Variants in SORD observed in about 807,000 individuals in gnomAD.
SORD encodes (R,R)-butanediol dehydrogenase.
In SORD, 18 loss-of-function variants were observed where a neutral mutation model predicts 35.6. That is an observed-to-expected ratio of 0.51 (90% CI 0.35 to 0.75). The LOEUF is 0.75. Ranked by LOEUF, SORD falls within the 30% of genes least tolerant of loss-of-function variation. SORD has a pLI of 0.01. For synonymous variants in SORD, 106 were observed against 152.9 expected, an observed-to-expected ratio of 0.69 and a Z score of 2.26; for missense variants, 250 against 390.2, an observed-to-expected ratio of 0.64 and a Z score of 3.03.
intron 5 of SORD, 102 bp from the exon 6 acceptor site, chr15:45,068,079 C>T (rs1467909941): frequency 4.6e-6 from 4 of 873,052 alleles, no homozygotes; most frequent in Admixed American, 3.5e-5. Context: ...GGGATAGATG[C>T]TAGAGACACA....
intron 3 of SORD, among the ~76,000 whole-genome samples, chr15:45,060,105 T>C (rs1470034811): frequency 1.3e-5 from 2 of 152,144 alleles, no homozygotes; most frequent in African/African-American, 4.8e-5. Flanking sequence ...TGAACTCTAG[T>C]TAATGATATG....
At chr15:45,037,469 A>G (rs1259620162) in intron 1 of SORD, among the ~76,000 whole-genome samples, 1 of 152,156 alleles carries the variant, frequency 6.6e-6, no homozygotes, top group Admixed American at 6.5e-5. Context: ...TATGAATTGT[A>G]TGCTGTGGAA....
intron 1 of SORD, among the ~76,000 whole-genome samples, chr15:45,025,587 C>T (rs1892655577): frequency 6.7e-6 from 1 of 150,020 alleles, no homozygotes; most frequent in Admixed American, 6.7e-5. Context: ...TGAGATCGTA[C>T]CACTGCACTC....
At chr15:45,070,393 C>T (rs1356567124) in intron 7 of SORD, 1 of 152,214 alleles carries the variant, frequency 6.6e-6, no homozygotes, top group Non-Finnish European at 1.5e-5. Context: ...ATGAGACATT[C>T]TAGGGAAGGC....
Position 45,077,030 on chromosome 15 carries a change from A to G in SORD, c.*3500A>G, listed in dbSNP as rs1475162562. ...TTAATAAATGGCTAAATTTCTTTCTATGTCAATAATTATACACATCATTAT... is the reference window on the plus strand; with the variant it reads ...TTAATAAATGGCTAAATTTCTTTCTGTGTCAATAATTATACACATCATTAT... On this transcript the variant is annotated 3_prime_UTR_variant, in exon 9 of 9. Coordinates refer to ENST00000267814, the MANE Select transcript of SORD (RefSeq NM_003104.6). 1.3e-5 allele frequency: 2 copies of G among 148,974 alleles called. No individual in the cohort carries two copies. The highest frequency in any genetic ancestry group is 2.9e-5 in the Non-Finnish European group (2 of 67,974). 9.2% of individuals were successfully genotyped at this position (148,974 alleles called of 1,614,324 possible). A position where few individuals can be genotyped will look rare whatever the true frequency, so the allele number is the denominator to read the frequency against.
intron 5 of SORD, among the ~76,000 whole-genome samples, chr15:45,067,244 C>A (rs2854441): frequency 6.6e-6 from 1 of 151,956 alleles, no homozygotes; most frequent in South Asian, 2.1e-4. Flanking sequence ...TGCCTGTAAT[C>A]TCCACTACTT....
At position 45,023,405 on chromosome 15, in the gene SORD, C is replaced by T. The variant is rs1398082302; in HGVS notation, c.66+56C>T. 2.1e-6 allele frequency: 3 copies of T among 1,405,416 alleles called. No individual in the cohort carries two copies. The Admixed American group carries it at 8.1e-5, about 38-fold the overall frequency. 87.1% of individuals were successfully genotyped at this position (1,405,416 alleles called of 1,614,324 possible). A position where few individuals can be genotyped will look rare whatever the true frequency, so the allele number is the denominator to read the frequency against. ...CGATCCTGCCTCACTCTCCTCTGAGCCCAGCCATAGTCCTGGCTTCCCACT... is the reference window on the plus strand; with the variant it reads ...CGATCCTGCCTCACTCTCCTCTGAGTCCAGCCATAGTCCTGGCTTCCCACT... On this transcript the variant is annotated intron_variant, in intron 1 of 8. Transcript: ENST00000267814.
At chr15:45,039,283 C>T (rs1892927198) in intron 1 of SORD, among the ~76,000 whole-genome samples, 2 of 152,144 alleles carry the variant, frequency 1.3e-5, no homozygotes, top group Non-Finnish European at 2.9e-5. Context: ...CGCGTGCCAC[C>T]ACGCCCGGCT....
At chr15:45,038,473 G>A (rs1892910454) in intron 1 of SORD, among the ~76,000 whole-genome samples, 1 of 152,268 alleles carries the variant, frequency 6.6e-6, no homozygotes, top group Non-Finnish European at 1.5e-5. Context: ...AAAGCTTTGA[G>A]CTTTGTTTCA....
At chr15:45,046,401 C>A (rs1893045824) in intron 3 of SORD, among the ~76,000 whole-genome samples, 1 of 152,154 alleles carries the variant, frequency 6.6e-6, no homozygotes, top group Non-Finnish European at 1.5e-5. Context: ...CACCACCACA[C>A]CTGGCTAATT....
intron 3 of SORD, among the ~76,000 whole-genome samples, chr15:45,055,026 C>G (rs1893192500): frequency 6.6e-6 from 1 of 152,104 alleles, no homozygotes; most frequent in African/African-American, 2.4e-5. Context: ...GGTACCAGTA[C>G]CATGCTGTTT....
At chr15:45,023,867 G>A (rs1892629100) in intron 1 of SORD, among the ~76,000 whole-genome samples, 1 of 152,186 alleles carries the variant, frequency 6.6e-6, no homozygotes, top group African/African-American at 2.4e-5. Flanking sequence ...CTCAGGAAGT[G>A]CCAGCTCCTT....
At chr15:45,062,042 T>G (rs1893322270) in intron 4 of SORD, among the ~76,000 whole-genome samples, 1 of 151,998 alleles carries the variant, frequency 6.6e-6, no homozygotes, top group Admixed American at 6.5e-5. Flanking sequence ...CTGATTCAGT[T>G]TCATTTAATC....
At chr15:45,037,361 G>A (rs1234724718) in intron 1 of SORD, among the ~76,000 whole-genome samples, 3 of 152,148 alleles carry the variant, frequency 2.0e-5, no homozygotes, top group East Asian at 1.9e-4. Flanking sequence ...GTGACCCAGG[G>A]CCTATTTGGT....
intron 1 of SORD, among the ~76,000 whole-genome samples, chr15:45,035,826 G>T (rs1166543197): frequency 6.6e-6 from 1 of 151,736 alleles, no homozygotes; most frequent in Non-Finnish European, 1.5e-5. Context: ...CTTAAGAGCT[G>T]TAACACTCAC....
chr15:45,063,316 G>C (rs1189072434), intron 4 of SORD, among the ~76,000 whole-genome samples: 1 of 151,900 alleles, frequency 6.6e-6, no homozygotes, highest in African/African-American at 2.4e-5. Flanking sequence ...ACCCAATTTG[G>C]ACTGTTCCCT....
chr15:45,054,683 C>T (rs1893184548), intron 3 of SORD, among the ~76,000 whole-genome samples: 1 of 152,186 alleles, frequency 6.6e-6, no homozygotes, highest in Non-Finnish European at 1.5e-5. Flanking sequence ...GCTTCTGTTG[C>T]CATTGCTTTT....
intron 4 of SORD, 109 bp from the exon 5 acceptor site, chr15:45,065,162 C>G (rs1170109585): frequency 3.0e-6 from 3 of 1,014,874 alleles, no homozygotes; most frequent in Admixed American, 2.3e-5. Flanking sequence ...AATAAATGCT[C>G]GATAAATGCT....
intron 1 of SORD, among the ~76,000 whole-genome samples, chr15:45,024,646 T>C (rs3858900): frequency 0.12 from 17,770 of 151,822 alleles, 1,251 homozygotes; most frequent in East Asian, 0.3. Flanking sequence ...CCAGATGGTA[T>C]TATGAGTAAG....
Sources: gnomAD v4.1 joint callset for allele counts (sites outside exome capture counted in the v4.1 genomes callset) on GRCh38, gnomAD v4.1.1 for gene constraint, MANE v1.5 for transcripts, NCBI Gene and HGNC (gene_info 2026-07-23, HGNC 2026-07-21) for gene names.